The following TPCN1 variants were observed in gnomAD, a reference collection of about 807,000 sequenced individuals.
TPCN1 encodes the protein two pore channel protein 1.
TPCN1 carries 52 observed loss-of-function variants against 108.8 expected under a neutral mutation model. That is an observed-to-expected ratio of 0.48 (90% CI 0.38 to 0.60). TPCN1 has a LOEUF of 0.60. Among genes scored for constraint, TPCN1 ranks in the 20% least tolerant of loss-of-function variants. TPCN1 has a pLI of 0.00. For missense variants in TPCN1, 806 were observed against 1,072.8 expected (o/e 0.75, Z 3.47); for synonymous variants, 446 against 433.7 (o/e 1.03, Z -0.35).
At chr12:113,263,337 C>T (rs569209699) in intron 3 of TPCN1, among the ~76,000 whole-genome samples, 7 of 152,164 alleles carry the variant, frequency 4.6e-5, no homozygotes, top group Non-Finnish European at 7.3e-5. Flanking sequence ...GACCTTGGCT[C>T]GCTGCAACCT....
intron 2 of TPCN1, among the ~76,000 whole-genome samples, chr12:113,237,234 C>G (rs1953931150): frequency 6.6e-6 from 1 of 152,176 alleles, no homozygotes; most frequent in South Asian, 2.1e-4. Flanking sequence ...GGAGAGGAAA[C>G]TGCCAGGCTA....
At chr12:113,285,743 G>A (rs779881342) in intron 17 of TPCN1, 146 bp from the exon 18 acceptor site, 7 of 707,254 alleles carry the variant, frequency 9.9e-6, no homozygotes, top group East Asian at 2.6e-5. Flanking sequence ...CTGCTCTCAC[G>A]CTGGGACATG....
In TPCN1 at chr12:113,245,618, A is replaced by G. The variant is rs1404378356; in HGVS notation, c.113-14750A>G. Among the ~76,000 whole-genome samples the G allele has an allele frequency of 1.1e-3, 130 of 120,586 alleles. 9 individuals carry two copies. The highest frequency in any genetic ancestry group is 1.1e-3 in the Admixed American group (14 of 12,696). 79.1% of individuals were successfully genotyped at this position (120,586 alleles called of 152,430 possible). On this transcript the variant is annotated intron_variant, in intron 2 of 27. Coordinates refer to ENST00000335509, the MANE Select transcript of TPCN1 (RefSeq NM_017901.6). ...TCCGTCTCAAAAAAAAAAAAAAAAA[A>G]AAAGAAAAGAAAAGGGGTAGGCCCC... is the stretch of plus-strand genomic sequence containing the variant.
At chr12:113,247,964 G>A (rs894419480) in intron 2 of TPCN1, among the ~76,000 whole-genome samples, 4 of 152,176 alleles carry the variant, frequency 2.6e-5, no homozygotes, top group Admixed American at 6.5e-5. Flanking sequence ...GGGAGAATTC[G>A]CTGTTCTTTC....
chr12:113,289,011 T>C lies in TPCN1; in HGVS notation c.1796+164T>C, dbSNP rs531840183. ...GCTTAGTTGAGTGCAGTGAGCTAAA[T>C]GAGGGGCCTGGACTCGGGGTCCCTG... On this transcript the variant is annotated intron_variant, in intron 21 of 27. Transcript: ENST00000335509. This position sits in a 1 kb window ranked among gnomAD's most constrained non-coding sequence, Gnocchi z 4.1. Among the ~76,000 whole-genome samples the C allele has an allele frequency of 5.3e-5, 8 of 152,308 alleles. No individual in the cohort carries two copies. The highest frequency in any genetic ancestry group is 2.0e-4 in the Admixed American group (3 of 15,304).
chr12:113,221,811 A>G (rs1953237045), intron 1 of TPCN1, among the ~76,000 whole-genome samples, 185 bp downstream of exon 1: 2 of 151,906 alleles, frequency 1.3e-5, no homozygotes, highest in African/African-American at 4.8e-5. Flanking sequence ...GGGGCTTTGC[A>G]CCCTCTCTCC....
At chr12:113,239,432 G>A (rs1174300264) in intron 2 of TPCN1, among the ~76,000 whole-genome samples, 1 of 152,218 alleles carries the variant, frequency 6.6e-6, no homozygotes, top group Non-Finnish European at 1.5e-5. Flanking sequence ...TTACACAGCT[G>A]TGCCTCTTTC....
At chr12:113,250,606 T>G (rs1270767155) in intron 2 of TPCN1, among the ~76,000 whole-genome samples, 1 of 152,256 alleles carries the variant, frequency 6.6e-6, no homozygotes, top group East Asian at 1.9e-4. Flanking sequence ...GAATGTCTGC[T>G]AAACAAAGGA....
At chr12:113,285,745 T>C in intron 17 of TPCN1, 144 bp from the exon 18 acceptor site, 1 of 716,848 alleles carries the variant, frequency 1.4e-6, no homozygotes, top group South Asian at 1.7e-5. Context: ...GCTCTCACGC[T>C]GGGACATGAG....
chr12:113,288,719 C>T lies in TPCN1; in HGVS notation c.1707-39C>T. ...GGGGCTGCAGAGGAGCCGTTCCCTC[C>T]TGCCGGCCCCGCGTCACCCTGCCCC... On this transcript the variant is annotated intron_variant, in intron 20 of 27. Coordinates refer to ENST00000335509, the MANE Select transcript of TPCN1 (RefSeq NM_017901.6). This position sits in a 1 kb window ranked among gnomAD's most constrained non-coding sequence, Gnocchi z 4.8. 6.2e-7 allele frequency: 1 copy of T among 1,606,974 alleles called. No individual in the cohort carries two copies. Among genetic ancestry groups the T allele is most frequent in the African/African-American group, 1.3e-5 (1 of 75,038 alleles).
chr12:113,229,672 G>T (rs950104379), intron 2 of TPCN1, among the ~76,000 whole-genome samples: 2 of 152,112 alleles, frequency 1.3e-5, no homozygotes, highest in South Asian at 2.1e-4. Context: ...TGTATTTTTA[G>T]TGGAGACGGG....
rs1955338335 is a variant in TPCN1, at chr12:113,268,041, A to T, written c.528+85A>T. 1.0e-6 allele frequency: 1 copy of T among 983,044 alleles called. No individual in the cohort carries two copies. Among genetic ancestry groups the T allele is most frequent in the African/African-American group, 1.6e-5 (1 of 62,358 alleles). The allele number at this position is 983,044 out of a possible 1,614,324, so 60.9% of individuals were successfully genotyped here. A position where few individuals can be genotyped will look rare whatever the true frequency, so the allele number is the denominator to read the frequency against. On this transcript the variant is annotated intron_variant, in intron 5 of 27. Coordinates refer to ENST00000335509, the MANE Select transcript of TPCN1 (RefSeq NM_017901.6). The surrounding 1 kb of genome is among the most constrained non-coding windows in gnomAD (Gnocchi z 7.3). The stretch of plus-strand genomic sequence containing the variant: ...ACCTGTCTCTTTGGTACAATTCAGA[A>T]TCCACCATGGGCCCAGTCCATGCTC...
chr12:113,293,621 C>G (rs2136780059), intron 27 of TPCN1, among the ~76,000 whole-genome samples: 1 of 152,356 alleles, frequency 6.6e-6, no homozygotes, highest in Non-Finnish European at 1.5e-5. Context: ...CTCTCCATCT[C>G]TTACTCTGAG....
chr12:113,292,774 G>T, intron 25 of TPCN1, 160 bp from the exon 26 acceptor site: 1 of 790,442 alleles, frequency 1.3e-6, no homozygotes, highest in East Asian at 2.6e-5. Context: ...GGAGGGGAAG[G>T]GAAAGGAGGG....
chr12:113,268,077 C>A lies in TPCN1; in HGVS notation c.528+121C>A. On this transcript the variant is annotated intron_variant, in intron 5 of 27. Transcript: ENST00000335509. The surrounding 1 kb of genome is among the most constrained non-coding windows in gnomAD (Gnocchi z 7.3). The stretch of plus-strand genomic sequence containing the variant: ...GCCCAGTCCATGCTCAGAGGTGTAA[C>A]CCTAGGGTCCCTGTCCTGACCGTGC... The A allele has an allele frequency of 9.4e-6, 7 of 742,792 alleles. No individual in the cohort carries two copies. The highest frequency in any genetic ancestry group is 6.6e-5 in the South Asian group (4 of 60,260). The allele number at this position is 742,792 out of a possible 1,614,324, so 46.0% of individuals were successfully genotyped here.
chr12:113,224,648 G>T (rs375531848), intron 1 of TPCN1, among the ~76,000 whole-genome samples: 1 of 151,898 alleles, frequency 6.6e-6, no homozygotes, highest in Non-Finnish European at 1.5e-5. Flanking sequence ...CGCCCGCCTC[G>T]GCCTCCCAAA....
intron 2 of TPCN1, among the ~76,000 whole-genome samples, chr12:113,255,417 A>G (rs561144194): frequency 6.6e-5 from 10 of 152,304 alleles, no homozygotes; most frequent in South Asian, 2.1e-4. Flanking sequence ...ACTGACAGAT[A>G]TACCATATTC....
rs751716872 is a variant in TPCN1 at position 113,277,376 on chromosome 12, T to A, written c.1184+12T>A. ...ACACCCCTGCTCAGGTAAGAGCAGA[T>A]GCCTGGTAGGGGCAGCATGGCCAGA... On this transcript the variant is annotated intron_variant, in intron 12 of 27. Coordinates refer to ENST00000335509, the MANE Select transcript of TPCN1 (RefSeq NM_017901.6). 1 of 1,614,016 alleles carries A rather than the reference T, an allele frequency of 6.2e-7. No individual in the cohort carries two copies. The highest frequency in any genetic ancestry group is 1.1e-5 in the South Asian group (1 of 91,084).
chr12:113,267,401 T>A (rs939308615), intron 4 of TPCN1, among the ~76,000 whole-genome samples: 9 of 151,816 alleles, frequency 5.9e-5, no homozygotes, highest in Non-Finnish European at 1.3e-4. Context: ...TTGTTTTTCT[T>A]ACTTTTTTTT....
Sources: allele counts gnomAD v4.1 joint callset (sites outside exome capture counted in the v4.1 genomes callset), GRCh38; gene constraint gnomAD v4.1.1; non-coding constraint Gnocchi (gnomAD v3.1); transcripts MANE v1.5; gene names NCBI Gene and HGNC (gene_info 2026-07-23, HGNC 2026-07-21).